Variants in CDH13 observed in about 807,000 individuals in gnomAD.
CDH13 encodes cadherin-13.
In CDH13, 24 loss-of-function variants were observed where a neutral mutation model predicts 63.8. The ratio of observed to expected loss-of-function variants is 0.38; its 90% CI spans 0.27 to 0.53. The LOEUF (loss-of-function observed/expected upper bound fraction) is 0.53, where lower values mean the gene tolerates loss of function less well. CDH13 is among the 20% of genes least tolerant of loss of function. The pLI is 0.85. For missense variants in CDH13, 1,049 were observed against 903.1 expected, an observed-to-expected ratio of 1.16 and a Z score of -2.07; for synonymous variants, 503 against 355.3, an observed-to-expected ratio of 1.42 and a Z score of -4.67.
chr16:83,635,634 G>GTT (rs1567472178), intron 8 of CDH13, among the ~76,000 whole-genome samples: 3 of 152,008 alleles, frequency 2.0e-5, no homozygotes, highest in Non-Finnish European at 4.4e-5. Context: ...GAGCCACCAC[G>GTT]CCCGGCCCCA....
intron 2 of CDH13, among the ~76,000 whole-genome samples, chr16:82,975,912 A>G (rs781104287): frequency 6.6e-6 from 1 of 152,112 alleles, no homozygotes; most frequent in Non-Finnish European, 1.5e-5. Flanking sequence ...TTTTACTGAC[A>G]TCTCTCCTCC....
At chr16:83,315,823 C>T (rs551802815) in intron 5 of CDH13, among the ~76,000 whole-genome samples, 14 of 147,998 alleles carry the variant, frequency 9.5e-5, no homozygotes, top group African/African-American at 3.5e-4. Flanking sequence ...AGTTCATTTG[C>T]TCATTCACCA....
intron 1 of CDH13, chr16:82,823,360 A>C (rs1427799394): frequency 1.3e-5 from 2 of 152,176 alleles, no homozygotes; most frequent in Admixed American, 1.3e-4. Flanking sequence ...AATCTGACGC[A>C]GTTACCTAAA....
intron 11 of CDH13, among the ~76,000 whole-genome samples, chr16:83,763,057 G>A (rs141630071): frequency 9.8e-5 from 15 of 152,296 alleles, no homozygotes; most frequent in African/African-American, 2.9e-4. Context: ...TATCAAACGC[G>A]TCATATTCCC....
chr16:82,926,275 C>T (rs892009260), intron 2 of CDH13, among the ~76,000 whole-genome samples: 1 of 147,610 alleles, frequency 6.8e-6, no homozygotes, highest in Non-Finnish European at 1.5e-5. Flanking sequence ...TCCAGTAAAA[C>T]GTTATTTCCA....
intron 1 of CDH13, among the ~76,000 whole-genome samples, chr16:82,842,149 T>TATATATATATATATATATATATACATAC (rs2039059144): frequency 2.9e-4 from 11 of 37,608 alleles, no homozygotes; most frequent in African/African-American, 5.3e-4. Context: ...CACATATATA[T>TATATATATATATATATATATATACATAC]ATATATATAT....
At chr16:83,589,867 G>A (rs1048348785) in intron 7 of CDH13, among the ~76,000 whole-genome samples, 1 of 151,794 alleles carries the variant, frequency 6.6e-6, no homozygotes, top group African/African-American at 2.4e-5. Flanking sequence ...CTTCAAGCAA[G>A]TGATTGTTTG....
intron 5 of CDH13, among the ~76,000 whole-genome samples, chr16:83,236,725 G>A (rs1216732101): frequency 6.6e-6 from 1 of 151,990 alleles, no homozygotes; most frequent in Non-Finnish European, 1.5e-5. Context: ...TAAACAAATT[G>A]TGATACATCC....
At chr16:83,352,862 C>T (rs995602394) in intron 6 of CDH13, among the ~76,000 whole-genome samples, 2 of 152,132 alleles carry the variant, frequency 1.3e-5, no homozygotes, top group East Asian at 1.9e-4. Context: ...TGCACTCCAG[C>T]CTGGGCGATA....
At chr16:82,865,613 C>T (rs1186911563) in intron 2 of CDH13, among the ~76,000 whole-genome samples, 1 of 152,236 alleles carries the variant, frequency 6.6e-6, no homozygotes, top group African/African-American at 2.4e-5. Context: ...GGGTCTGGCC[C>T]ATGAGACCAT....
Position 82,766,979 on chromosome 16 carries a change from G to A in CDH13, c.46-91383G>A, listed in dbSNP as rs910956655. 7.9e-5 allele frequency among the ~76,000 whole-genome samples: 12 copies of A among 152,012 alleles called. No individual in the cohort carries two copies. In the South Asian group the frequency reaches 1.3e-3, roughly 16 times the overall value. Reference sequence around the variant, plus strand: ...ATTCTACCGTTACCATTTAATCCACGCATTTTACCACCTATCTTTCCTTCT... The same window carrying A: ...ATTCTACCGTTACCATTTAATCCACACATTTTACCACCTATCTTTCCTTCT... On this transcript the variant is annotated intron_variant, in intron 1 of 13. Transcript: ENST00000567109.
At chr16:82,986,303 C>G (rs1182485631) in intron 2 of CDH13, among the ~76,000 whole-genome samples, 1 of 152,140 alleles carries the variant, frequency 6.6e-6, no homozygotes, top group Non-Finnish European at 1.5e-5. Context: ...ATGTGGAGGT[C>G]AGTGACAAAC....
At chr16:83,570,229 A>G (rs1348209529) in intron 7 of CDH13, among the ~76,000 whole-genome samples, 2 of 152,198 alleles carry the variant, frequency 1.3e-5, no homozygotes, top group African/African-American at 2.4e-5. Flanking sequence ...TGCATCGTAG[A>G]TGCCAAACAG....
intron 7 of CDH13, among the ~76,000 whole-genome samples, chr16:83,520,241 A>C (rs2074798164): frequency 6.6e-6 from 1 of 152,230 alleles, no homozygotes; most frequent in Non-Finnish European, 1.5e-5. Context: ...ACAGGCTCTA[A>C]GTGGAGCAAA....
At chr16:83,643,283 T>TAAAAAA (rs1195185794) in intron 8 of CDH13, among the ~76,000 whole-genome samples, 13 of 93,846 alleles carry the variant, frequency 1.4e-4, no homozygotes, top group Non-Finnish European at 1.8e-4. Context: ...TAGAGTATAA[T>TAAAAAA]AAAAAAAAAA....
chr16:82,927,768 C>G (rs995029061), intron 2 of CDH13, among the ~76,000 whole-genome samples: 1 of 152,206 alleles, frequency 6.6e-6, no homozygotes, highest in Non-Finnish European at 1.5e-5. Context: ...ACCGCTCAGT[C>G]CTCAGCCCAG....
At chr16:83,053,088 A>G (rs2030554977) in intron 3 of CDH13, among the ~76,000 whole-genome samples, 1 of 152,182 alleles carries the variant, frequency 6.6e-6, no homozygotes, top group Non-Finnish European at 1.5e-5. Flanking sequence ...CAGGAGTTAA[A>G]TTAGAGTTGA....
chr16:83,271,803 C>G (rs745665781), intron 5 of CDH13, among the ~76,000 whole-genome samples: 2 of 152,206 alleles, frequency 1.3e-5, no homozygotes, highest in East Asian at 3.9e-4. Context: ...AACTACAAAT[C>G]AATTCCAGTA....
chr16:83,556,939 A>G (rs1010506765), intron 7 of CDH13, among the ~76,000 whole-genome samples: 3 of 151,992 alleles, frequency 2.0e-5, no homozygotes, highest in Admixed American at 6.6e-5. Context: ...AGCAATGACA[A>G]CTCTCAACCG....
Sources: gnomAD v4.1 joint callset for allele counts (sites outside exome capture counted in the v4.1 genomes callset) on GRCh38, gnomAD v4.1.1 for gene constraint, MANE v1.5 for transcripts, NCBI Gene and HGNC (gene_info 2026-07-23, HGNC 2026-07-21) for gene names.